The following LRRC7 variants were observed in gnomAD, a reference collection of about 807,000 sequenced individuals.
LRRC7 encodes the protein leucine rich repeat containing 7.
A neutral mutation model predicts 175.7 loss-of-function variants in LRRC7; 23 were observed. The observed-to-expected ratio is 0.13, with a 90% CI of 0.09 to 0.19. The LOEUF (loss-of-function observed/expected upper bound fraction) is 0.19, where lower values mean the gene tolerates loss of function less well. Ranked by LOEUF, LRRC7 falls within the 10% of genes least tolerant of loss-of-function variation. The probability of loss-of-function intolerance (pLI) is 1.00; values close to 1 mark genes in which losing one functional copy is unlikely to be tolerated. For missense variants in LRRC7, 1,354 were observed against 1,904.7 expected (o/e 0.71, Z 5.38); for synonymous variants, 685 against 680.9 (o/e 1.01, Z -0.09).
intron 1 of LRRC7, among the ~76,000 whole-genome samples, chr1:69,618,506 A>G (rs1038047084): frequency 1.3e-5 from 2 of 152,148 alleles, no homozygotes; most frequent in Admixed American, 6.6e-5. Context: ...CCTTTGTTCC[A>G]TCTTTGCTAT....
intron 8 of LRRC7, among the ~76,000 whole-genome samples, chr1:69,964,443 T>C (rs1468723766): frequency 6.6e-6 from 1 of 152,234 alleles, no homozygotes. Flanking sequence ...TTATGCATAC[T>C]GCCTGTCCAG....
chr1:69,847,787 C>G (rs538353295), intron 7 of LRRC7, among the ~76,000 whole-genome samples: 1 of 152,198 alleles, frequency 6.6e-6, no homozygotes, highest in South Asian at 2.1e-4. Flanking sequence ...CTTCTCATCT[C>G]TACCATTGGA....
At chr1:69,569,651 T>A (rs531787049) in intron 1 of LRRC7, among the ~76,000 whole-genome samples, 2 of 151,920 alleles carry the variant, frequency 1.3e-5, no homozygotes, top group Non-Finnish European at 2.9e-5. Context: ...ATAACGGAGA[T>A]GGCTGAAAGA....
rs1651599371 is a variant in LRRC7 at position 69,626,638 on chromosome 1, A to G, written c.3-51743A>G. Among the ~76,000 whole-genome samples, 4 of 151,702 alleles carry G rather than the reference A, an allele frequency of 2.6e-5. No homozygotes were observed. In the South Asian group the frequency reaches 8.3e-4, roughly 32 times the overall value. ...GTGCAGGTTTGTTACATACATATAC[A>G]TTTGCCATGCTGGTGTGCTGCACCC... On this transcript the variant is annotated intron_variant, in intron 1 of 26. Transcript: ENST00000651989.
At chr1:69,797,235 T>C (rs1016877988) in intron 4 of LRRC7, among the ~76,000 whole-genome samples, 3 of 152,184 alleles carry the variant, frequency 2.0e-5, no homozygotes, top group African/African-American at 7.2e-5. Context: ...CGATAAGTAA[T>C]GAGTAGCCAC....
intron 1 of LRRC7, among the ~76,000 whole-genome samples, chr1:69,587,780 C>G: frequency 6.6e-6 from 1 of 152,162 alleles, no homozygotes; most frequent in East Asian, 1.9e-4. Flanking sequence ...ATTATTATCT[C>G]TCTCTCCTGC....
intron 7 of LRRC7, among the ~76,000 whole-genome samples, chr1:69,913,731 T>A (rs1049715665): frequency 6.6e-6 from 1 of 152,166 alleles, no homozygotes; most frequent in Non-Finnish European, 1.5e-5. Context: ...CAGGCTGGTC[T>A]CAAACTCTTG....
At chr1:69,661,968 G>A (rs1356146240) in intron 1 of LRRC7, among the ~76,000 whole-genome samples, 3 of 152,074 alleles carry the variant, frequency 2.0e-5, no homozygotes. Context: ...CCTTCCCTGA[G>A]ACATAAGAAG....
Position 69,962,867 on chromosome 1 carries a change from A to T in LRRC7, c.712-17512A>T. The stretch of plus-strand genomic sequence containing the variant: ...CGGGAGAGAATCAGGAAAAACGACT[A>T]ACGGATGCTAAGCTTAATACTTAGG... On this transcript the variant is annotated intron_variant, in intron 8 of 26. Coordinates refer to ENST00000651989, the MANE Select transcript of LRRC7 (RefSeq NM_001370785.2). Among the ~76,000 whole-genome samples the T allele has an allele frequency of 1.3e-5, 2 of 152,154 alleles. 1 individual carries two copies. The highest frequency in any genetic ancestry group is 4.2e-4 in the South Asian group (2 of 4,818).
At chr1:69,835,575 C>T (rs1377334088) in intron 6 of LRRC7, among the ~76,000 whole-genome samples, 1 of 151,936 alleles carries the variant, frequency 6.6e-6, no homozygotes, top group Admixed American at 6.6e-5. Context: ...ATCTCATGCT[C>T]TCTGATAGGA....
intron 10 of LRRC7, among the ~76,000 whole-genome samples, chr1:69,993,935 G>T (rs1404781215): frequency 6.6e-6 from 1 of 152,144 alleles, no homozygotes; most frequent in African/African-American, 2.4e-5. Context: ...GCCATTAAGG[G>T]TATGGAGGCC....
At chr1:69,858,386 A>T (rs1319783367) in intron 7 of LRRC7, among the ~76,000 whole-genome samples, 1 of 152,198 alleles carries the variant, frequency 6.6e-6, no homozygotes, top group African/African-American at 2.4e-5. Flanking sequence ...AATATCCAGA[A>T]TCTACGAAGA....
chr1:69,898,439 G>A (rs887066087), intron 7 of LRRC7, among the ~76,000 whole-genome samples: 7 of 152,218 alleles, frequency 4.6e-5, no homozygotes, highest in African/African-American at 1.2e-4. Context: ...GATTTTAGCT[G>A]AAAAGGACTT....
At chr1:69,682,565 T>C (rs1660625408) in intron 2 of LRRC7, among the ~76,000 whole-genome samples, 1 of 152,162 alleles carries the variant, frequency 6.6e-6, no homozygotes. Context: ...CCAAACTGTA[T>C]ATGTTAAAAC....
chr1:69,811,567 A>G (rs1247921150), intron 4 of LRRC7, among the ~76,000 whole-genome samples: 1 of 152,214 alleles, frequency 6.6e-6, no homozygotes, highest in Non-Finnish European at 1.5e-5. Context: ...TGGACCATAT[A>G]CACCATGGAA....
At chr1:69,947,875 A>G (rs1649504663) in intron 8 of LRRC7, among the ~76,000 whole-genome samples, 1 of 152,154 alleles carries the variant, frequency 6.6e-6, no homozygotes, top group Non-Finnish European at 1.5e-5. Context: ...TAGAACAATT[A>G]TAACAATATA....
intron 7 of LRRC7, among the ~76,000 whole-genome samples, chr1:69,895,316 A>G (rs1645949636): frequency 6.6e-6 from 1 of 152,216 alleles, no homozygotes; most frequent in Non-Finnish European, 1.5e-5. Flanking sequence ...AAAAACCCAG[A>G]AAACAAAAAA....
intron 24 of LRRC7, among the ~76,000 whole-genome samples, chr1:70,088,690 T>C (rs1414047726): frequency 3.9e-5 from 6 of 152,166 alleles, no homozygotes; most frequent in Non-Finnish European, 8.8e-5. Flanking sequence ...CCTGGAGAAC[T>C]AACATTTTTA....
At chr1:70,057,574 A>G (rs1571200152) in intron 23 of LRRC7, among the ~76,000 whole-genome samples, 1 of 151,974 alleles carries the variant, frequency 6.6e-6, no homozygotes, top group Non-Finnish European at 1.5e-5. Context: ...ATTTGAGTCT[A>G]TTTCTCCAAG....
Sources: gnomAD v4.1 joint callset for allele counts (sites outside exome capture counted in the v4.1 genomes callset) on GRCh38, gnomAD v4.1.1 for gene constraint, MANE v1.5 for transcripts, NCBI Gene and HGNC (gene_info 2026-07-23, HGNC 2026-07-21) for gene names.